CSMD1: variants seen among roughly 807,000 people sequenced by gnomAD.
CSMD1 encodes CUB and sushi domain-containing protein 1.
A neutral mutation model predicts 417.5 loss-of-function variants in CSMD1; 213 were observed. The ratio of observed to expected loss-of-function variants is 0.51; its 90% CI spans 0.46 to 0.57. The LOEUF (loss-of-function observed/expected upper bound fraction) is 0.57. Ranked by LOEUF, CSMD1 falls within the 20% of genes least tolerant of loss-of-function variation. CSMD1 has a pLI of 0.00. For missense variants in CSMD1, 6,923 were observed against 4,529.7 expected (o/e 1.53, Z -15.17); for synonymous variants, 2,862 against 1,736.8 (o/e 1.65, Z -16.11).
At chr8:3,459,587 G>C (rs541615015) in intron 12 of CSMD1, among the ~76,000 whole-genome samples, 23 of 152,158 alleles carry the variant, frequency 1.5e-4, no homozygotes, top group African/African-American at 5.5e-4. Context: ...TTGCCAACAG[G>C]GGAATTCAAC....
intron 7 of CSMD1, among the ~76,000 whole-genome samples, chr8:3,677,313 G>A (rs527245357): frequency 1.6e-4 from 25 of 152,250 alleles, no homozygotes; most frequent in African/African-American, 6.0e-4. Context: ...GTAACAAAAT[G>A]ACTTAATAAC....
At chr8:4,389,769 T>A (rs558412242) in intron 3 of CSMD1, among the ~76,000 whole-genome samples, 19 of 152,322 alleles carry the variant, frequency 1.2e-4, no homozygotes, top group Non-Finnish European at 1.9e-4. Context: ...TGCTTCTTTA[T>A]TTTTGAAACC....
rs545335866 is a variant in CSMD1, at chr8:4,869,302, T to C, written c.85+125030A>G. 2.6e-5 allele frequency among the ~76,000 whole-genome samples: 4 copies of C among 152,200 alleles called. No individual in the cohort carries two copies. In the East Asian group the frequency reaches 7.7e-4, roughly 29 times the overall value. On this transcript the variant is annotated intron_variant, in intron 1 of 69. Coordinates refer to ENST00000635120, the MANE Select transcript of CSMD1 (RefSeq NM_033225.6). ...AATTCCATCCTGTTTTATCATTTGA[T>C]GGAAACAGTGGAGGAGTTGTGTCTG...
rs545038327 is a variant in CSMD1 at position 3,043,633 on chromosome 8, C to T, written c.7660+8829G>A. 3.9e-5 allele frequency: 6 copies of T among 152,156 alleles called. No individual in the cohort carries two copies. In the East Asian group the frequency reaches 1.2e-3, roughly 29 times the overall value. The allele number at this position is 152,156 out of a possible 1,614,324, so 9.4% of individuals were successfully genotyped here. A position where few individuals can be genotyped will look rare whatever the true frequency, so the allele number is the denominator to read the frequency against. ...AGTAGTTTTAGCTAAAGAAACAATA[C>T]CCACATATTGTGATTAGAACTTAGG... On this transcript the variant is annotated intron_variant, in intron 50 of 69. Transcript: ENST00000635120.
chr8:3,961,566 A>C (rs893563713), intron 5 of CSMD1, among the ~76,000 whole-genome samples: 3 of 152,212 alleles, frequency 2.0e-5, no homozygotes, highest in Admixed American at 2.0e-4. Flanking sequence ...ATTTCCACTA[A>C]AGGTATCTAT....
chr8:4,210,232 T>A (rs1014938506), intron 3 of CSMD1, among the ~76,000 whole-genome samples: 1 of 152,214 alleles, frequency 6.6e-6, no homozygotes, highest in African/African-American at 2.4e-5. Flanking sequence ...GGCATGACTT[T>A]CTCACAGGAG....
chr8:3,394,012 T>TAAATTATA (rs1554536992), intron 17 of CSMD1, among the ~76,000 whole-genome samples: 67 of 31,544 alleles, frequency 2.1e-3, no homozygotes, highest in East Asian at 4.8e-3. Context: ...AAAAAATAAA[T>TAAATTATA]TATATATATA....
chr8:3,710,103 G>A (rs1041239681), intron 6 of CSMD1, among the ~76,000 whole-genome samples: 8 of 149,520 alleles, frequency 5.4e-5, no homozygotes, highest in Admixed American at 1.3e-4. Context: ...TATATTTTAC[G>A]CATTCATGAC....
rs1797870896 is a variant in CSMD1 at position 4,041,131 on chromosome 8, C to G, written c.416-9032G>C. 2.0e-5 allele frequency among the ~76,000 whole-genome samples: 3 copies of G among 151,348 alleles called. No homozygotes were observed. In the South Asian group the frequency reaches 6.2e-4, roughly 31 times the overall value. On this transcript the variant is annotated intron_variant, in intron 3 of 69. Coordinates refer to ENST00000635120, the MANE Select transcript of CSMD1 (RefSeq NM_033225.6). ...TCCCGGGTTCCCGCCATTCTCCTGC[C>G]TCAGCCTCCCGAGTAGCTGGGACTA...
chr8:4,606,300 G>A (rs1460755535), intron 2 of CSMD1, among the ~76,000 whole-genome samples: 1 of 151,828 alleles, frequency 6.6e-6, no homozygotes, highest in South Asian at 2.1e-4. Context: ...CTTAGAGTCT[G>A]TTTATAAATG....
chr8:3,632,560 T>A (rs982095421), intron 7 of CSMD1, among the ~76,000 whole-genome samples: 1 of 152,216 alleles, frequency 6.6e-6, no homozygotes, highest in South Asian at 2.1e-4. Flanking sequence ...TGGCTTCTTT[T>A]TTAAAAAATT....
At chr8:4,806,234 G>C (rs567953375) in intron 1 of CSMD1, among the ~76,000 whole-genome samples, 1 of 152,128 alleles carries the variant, frequency 6.6e-6, no homozygotes, top group Non-Finnish European at 1.5e-5. Context: ...CAAACCTATA[G>C]CTTACTGAGG....
chr8:4,261,454 T>A (rs368978970), intron 3 of CSMD1, among the ~76,000 whole-genome samples: 1 of 152,328 alleles, frequency 6.6e-6, no homozygotes, highest in East Asian at 1.9e-4. Flanking sequence ...AAACTTCCAG[T>A]TCGAAGATGC....
At chr8:4,181,111 A>C (rs1714810) in intron 3 of CSMD1, among the ~76,000 whole-genome samples, 32,579 of 152,056 alleles carry the variant, frequency 0.21, 3,603 homozygotes, top group East Asian at 0.3. Flanking sequence ...ATGATTGACC[A>C]GCCAATTCCA....
chr8:4,754,482 T>C (rs1811541604), intron 1 of CSMD1, among the ~76,000 whole-genome samples: 1 of 152,064 alleles, frequency 6.6e-6, no homozygotes, highest in South Asian at 2.1e-4. Flanking sequence ...CATGCAATTT[T>C]TGCACTTCCA....
chr8:3,433,476 G>T (rs775365190), intron 12 of CSMD1, among the ~76,000 whole-genome samples: 1 of 152,076 alleles, frequency 6.6e-6, no homozygotes, highest in Non-Finnish European at 1.5e-5. Context: ...GGTGTTGTGT[G>T]GTGTGGGCGG....
At chr8:3,403,500 C>T (rs1161536) in intron 15 of CSMD1, among the ~76,000 whole-genome samples, 118,113 of 152,094 alleles carry the variant, frequency 0.78, 45,937 homozygotes, top group South Asian at 0.83. Flanking sequence ...TTCTTTCTGC[C>T]GAGGGCTTCC....
At chr8:3,265,194 A>G (rs544806758) in intron 26 of CSMD1, among the ~76,000 whole-genome samples, 2 of 152,334 alleles carry the variant, frequency 1.3e-5, no homozygotes, top group South Asian at 4.1e-4. Context: ...CTAAAAAATA[A>G]GAATCAGAAA....
At chr8:4,052,290 T>C (rs113124371) in intron 3 of CSMD1, among the ~76,000 whole-genome samples, 4 of 152,174 alleles carry the variant, frequency 2.6e-5, no homozygotes, top group African/African-American at 9.7e-5. Context: ...TGGCAAAAGA[T>C]TAGAGAAGAA....
Sources: allele counts gnomAD v4.1 joint callset (sites outside exome capture counted in the v4.1 genomes callset), GRCh38; gene constraint gnomAD v4.1.1; transcripts MANE v1.5; gene names NCBI Gene and HGNC (gene_info 2026-07-23, HGNC 2026-07-21).